MLST8: variants seen among roughly 807,000 people sequenced by gnomAD.
MLST8 encodes the protein target of rapamycin complex subunit LST8.
Under a neutral mutation model 41.3 loss-of-function variants are expected in MLST8, and 20 were observed. The observed-to-expected ratio is 0.48, with a 90% CI of 0.34 to 0.70. The LOEUF (loss-of-function observed/expected upper bound fraction) is 0.70, where lower values mean the gene tolerates loss of function less well. MLST8 is among the 30% of genes least tolerant of loss of function. MLST8 has a pLI of 0.01. For synonymous variants in MLST8, 243 were observed against 183.0 expected, an observed-to-expected ratio of 1.33 and a Z score of -2.65; for missense variants, 422 against 454.3, an observed-to-expected ratio of 0.93 and a Z score of 0.65.
rs371612671 is a variant in MLST8 at position 2,207,117 on chromosome 16, G to A, written c.420+7G>A. ...GTGCCTGCACCCCAACCAGGTGAGG[G>A]GTGCTCATGGGGCCAGGCACCCTGG... On this transcript the variant is annotated splice_region_variant and intron_variant, in intron 5 of 8. Coordinates refer to ENST00000569417, the MANE Select transcript of MLST8 (RefSeq NM_022372.6). 1.1e-4 allele frequency: 180 copies of A among 1,613,418 alleles called. No individual in the cohort carries two copies. The highest frequency in any genetic ancestry group is 1.4e-4 in the Non-Finnish European group (169 of 1,179,654).
Position 2,206,151 on chromosome 16 carries a change from C to A in MLST8, c.66C>A (p.His22Gln). The change falls in exon 2 of 9, where the codon CAC (histidine) becomes CAA (glutamine). Residue 22 changes from histidine (H) to glutamine (Q), a missense_variant. Physicochemically the swap from His to Gln is conservative, Grantham distance 24. Coordinates refer to ENST00000569417, the MANE Select transcript of MLST8 (RefSeq NM_022372.6). ...PVILATAGYD[H>Q]TVRFWQAHSG... is the part of the protein sequence containing the mutation. The stretch of plus-strand genomic sequence containing the variant: ...TCCTGGCCACTGCAGGCTACGACCA[C>A]ACCGTGCGCTTCTGGCAGGCCCACA... The A allele has an allele frequency of 6.2e-7, 1 of 1,612,118 alleles. No homozygotes were observed. Among genetic ancestry groups the A allele is most frequent in the Non-Finnish European group, 8.5e-7 (1 of 1,179,562 alleles).
rs766259271 is a variant in MLST8, at chr16:2,207,040, G to A, written c.350G>A (p.Arg117Gln). ...TGCCCCGGCCCGGCCCGCAGGTCCC[G>A]GAACCTGCAGTGCCAGCGGATCTTC... ...CTARIWDLRS[R>Q]NLQCQRIFQV... Residue 117 changes from arginine to glutamine, a missense_variant, in exon 5 of 9, where the codon CGG becomes CAG. By Grantham distance (43) the Arg-to-Gln change is conservative. Transcript: ENST00000569417. 38 of 1,613,172 alleles carry A rather than the reference G, an allele frequency of 2.4e-5. No individual in the cohort carries two copies. The highest frequency in any genetic ancestry group is 1.7e-4 in the Middle Eastern group (1 of 6,026).
intron 8 of MLST8, 62 bp downstream of exon 8, chr16:2,208,675 A>G (rs989202626): frequency 5.6e-6 from 9 of 1,612,366 alleles, no homozygotes; most frequent in South Asian, 1.1e-5. Context: ...GAGCCAGCCC[A>G]CCTCGGCTGC....
rs745438857 is a variant in MLST8, at chr16:2,209,358, G to C, written c.*481G>C. On this transcript the variant is annotated 3_prime_UTR_variant, in exon 9 of 9. Coordinates refer to ENST00000569417, the MANE Select transcript of MLST8 (RefSeq NM_022372.6). ...GACGGGCCAGGCTGGGCCAGGTCGG[G>C]GGCTCAGTCTGGGAGGTAATAAAAG... is the stretch of plus-strand genomic sequence containing the variant. 7.3e-5 allele frequency: 118 copies of C among 1,608,892 alleles called. 1 individual carries two copies. In the East Asian group the frequency reaches 2.6e-3, roughly 36 times the overall value.
At chr16:2,205,815 GGCGCCCCCGCC>G in intron 1 of MLST8, 2 of 1,128,766 alleles carry the variant, frequency 1.8e-6, no homozygotes, top group Non-Finnish European at 2.2e-6. Context: ...GGGGGGGGAC[GGCGCCCCCGCC>G]GTGTGCGTGG....
At chr16:2,208,084 G>A (rs930151672) in intron 6 of MLST8, 126 bp from the exon 7 acceptor site, 1 of 1,156,056 alleles carries the variant, frequency 8.7e-7, no homozygotes, top group Non-Finnish European at 1.2e-6. Flanking sequence ...GACCAGAGGG[G>A]CCTGCCTGCC....
In MLST8 at chr16:2,206,542, A is replaced by T. The variant is rs1174833405; in HGVS notation, c.227A>T (p.Asn76Ile). 1 of 1,613,756 alleles carries T rather than the reference A, an allele frequency of 6.2e-7. No individual in the cohort carries two copies. Among genetic ancestry groups the T allele is most frequent in the Admixed American group, 1.7e-5 (1 of 60,000 alleles). Reference sequence around the variant, plus strand: ...TATGATCTCAACTCCAATAACCCTAACCCCATCATCAGCTACGACGGCGTC... The same window carrying T: ...TATGATCTCAACTCCAATAACCCTATCCCCATCATCAGCTACGACGGCGTC... ...RMYDLNSNNP[N>I]PIISYDGVNK... The change falls in exon 4 of 9, where the codon AAC becomes ATC. Residue 76 changes from asparagine (N) to isoleucine (I), a missense_variant. Coordinates refer to ENST00000569417, the MANE Select transcript of MLST8 (RefSeq NM_022372.6).
chr16:2,209,153 G>A lies in MLST8; in HGVS notation c.*276G>A. Reference sequence around the variant, plus strand: ...AGTCGGCCGAGGGCCCAAAGCTGCTGAGGGGTCTGAGGCTGGTGCCCACCC... The same window carrying A: ...AGTCGGCCGAGGGCCCAAAGCTGCTAAGGGGTCTGAGGCTGGTGCCCACCC... On this transcript the variant is annotated 3_prime_UTR_variant, in exon 9 of 9. Transcript: ENST00000569417. 1.6e-6 allele frequency: 1 copy of A among 642,556 alleles called. No homozygotes were observed. The highest frequency in any genetic ancestry group is 1.9e-5 in the South Asian group (1 of 51,758). 39.8% of individuals were successfully genotyped at this position (642,556 alleles called of 1,614,324 possible). A position where few individuals can be genotyped will look rare whatever the true frequency, so the allele number is the denominator to read the frequency against.
intron 6 of MLST8, chr16:2,207,693 G>A (rs1015597150): frequency 1.1e-5 from 4 of 348,444 alleles, no homozygotes; most frequent in South Asian, 3.5e-5. Context: ...CCCCTGACAC[G>A]TTCTCTCTTG....
rs1215522126 is a variant in MLST8 at position 2,208,742 on chromosome 16, A to C, written c.863-17A>C. The C allele has an allele frequency of 6.2e-7, 1 of 1,613,824 alleles. No individual in the cohort carries two copies. The highest frequency in any genetic ancestry group is 2.2e-5 in the East Asian group (1 of 44,878). ...CCTGCACCTGCGCTCTTAGCCCTGC[A>C]CAATCTCCCCCTCCAGCTTCCTCGG... On this transcript the variant is annotated splice_polypyrimidine_tract_variant and intron_variant, in intron 8 of 8. Coordinates refer to ENST00000569417, the MANE Select transcript of MLST8 (RefSeq NM_022372.6).
chr16:2,208,694 C>T (rs1397260927), intron 8 of MLST8, 65 bp from the exon 9 acceptor site: 3 of 1,613,118 alleles, frequency 1.9e-6, no homozygotes, highest in East Asian at 4.5e-5. Context: ...GCAGCTTCCC[C>T]TCTGCTGGGG....
chr16:2,205,968 G>C, intron 1 of MLST8, 63 bp from the exon 2 acceptor site: 1 of 1,472,078 alleles, frequency 6.8e-7, no homozygotes, highest in Non-Finnish European at 9.0e-7. Context: ...GCAGCGCCTT[G>C]TGGGTCTATA....
intron 1 of MLST8, chr16:2,205,808 G>T (rs1019421496): frequency 2.7e-6 from 3 of 1,118,724 alleles, no homozygotes; most frequent in Admixed American, 4.9e-5. Context: ...GGAGGTGGGG[G>T]GGGGACGGCG....
chr16:2,206,372 G>A lies in MLST8; in HGVS notation c.144G>A (p.Leu48=), dbSNP rs751908886. 1 of 1,614,100 alleles carries A rather than the reference G, an allele frequency of 6.2e-7. No individual in the cohort carries two copies. The highest frequency in any genetic ancestry group is 1.1e-5 in the South Asian group (1 of 91,088). The change falls in exon 3 of 9, where the codon TTG becomes TTA. Residue 48 remains leucine, a synonymous_variant. Transcript: ENST00000569417. The part of the protein sequence containing the change: ...VQHQDSQVNA[L]EVTPDRSMIA... ...AACAGTCCCAGCAGGTGAATGCCTTGGAGGTCACACCGGACCGCAGCATGA... is the reference window on the plus strand; with the variant it reads ...AACAGTCCCAGCAGGTGAATGCCTTAGAGGTCACACCGGACCGCAGCATGA...
chr16:2,208,875 T>C lies in MLST8; in HGVS notation c.979T>C (p.Ter327GlnextTer?). The C allele has an allele frequency of 6.2e-7, 1 of 1,613,318 alleles. No individual in the cohort carries two copies. Among genetic ancestry groups the C allele is most frequent in the African/African-American group, 1.3e-5 (1 of 75,058 alleles). ...GGCCTTCAATGACAGTGTGCTGGGC[T>C]AGCCTGTGACCCCTCGGGACTGCCT... is the stretch of plus-strand genomic sequence containing the variant. ...CLAFNDSVLG* is the reference protein window; with the variant it reads ...CLAFNDSVLGQ The change falls in exon 9 of 9, where the codon TAG (stop) becomes CAG (glutamine). Residue 327 changes from the stop codon to glutamine, a stop_lost. Transcript: ENST00000569417.
At position 2,208,779 on chromosome 16, in the gene MLST8, C is replaced by A; in HGVS notation, c.883C>A (p.Arg295=). The A allele has an allele frequency of 6.2e-7, 1 of 1,614,012 alleles. No individual in the cohort carries two copies. ...IVTASSDNLA[R]LWCVETGEIK... ...TCCAGCTTCCTCGGACAACCTGGCC[C>A]GGCTCTGGTGTGTGGAGACTGGAGA... Residue 295 remains arginine, a synonymous_variant, in exon 9 of 9, where the codon CGG becomes AGG. Coordinates refer to ENST00000569417, the MANE Select transcript of MLST8 (RefSeq NM_022372.6).
chr16:2,206,264 TG>T, intron 2 of MLST8, 50 bp downstream of exon 2: 1 of 1,601,948 alleles, frequency 6.2e-7, no homozygotes. Flanking sequence ...ATGCCTCGTG[TG>T]GGGACCACAG....
At chr16:2,205,685 C>G (rs1239010735) in intron 1 of MLST8, 173 bp downstream of exon 1, 8 of 991,970 alleles carry the variant, frequency 8.1e-6, no homozygotes, top group Admixed American at 6.1e-5. Context: ...TGGCCTGCTA[C>G]GCATGCGCAG....
rs1484455360 is a variant in MLST8, at chr16:2,208,614, G to C, written c.862+1G>C. ...GGGGACTCCCAGTACATCGTCACTG[G>C]TGAGCCCCGCCCTGGCCTCCCCCAT... On this transcript the variant is annotated splice_donor_variant, in intron 8 of 8. Coordinates refer to ENST00000569417, the MANE Select transcript of MLST8 (RefSeq NM_022372.6). LOFTEE classifies it high-confidence loss of function. The C allele has an allele frequency of 6.2e-7, 1 of 1,612,066 alleles. No homozygotes were observed. The highest frequency in any genetic ancestry group is 8.5e-7 in the Non-Finnish European group (1 of 1,179,502).
Sources: allele counts gnomAD v4.1 joint callset, GRCh38; gene constraint gnomAD v4.1.1; transcripts MANE v1.5; gene names NCBI Gene and HGNC (gene_info 2026-07-23, HGNC 2026-07-21).